ATXN10: variants seen among roughly 807,000 people sequenced by gnomAD.
ATXN10 encodes the protein ataxin-10.
A neutral mutation model predicts 52.9 loss-of-function variants in ATXN10; 28 were observed. The ratio of observed to expected loss-of-function variants is 0.53; its 90% CI spans 0.39 to 0.73. ATXN10 has a LOEUF of 0.73. Ranked by LOEUF, ATXN10 falls within the 30% of genes least tolerant of loss-of-function variation. The probability of loss-of-function intolerance (pLI) is 0.00; values close to 1 mark genes in which losing one functional copy is unlikely to be tolerated. For synonymous variants in ATXN10, 226 were observed against 221.5 expected (o/e 1.02, Z -0.18); for missense variants, 565 against 577.0 (o/e 0.98, Z 0.21).
chr22:45,808,749 A>G (rs1425395412), intron 10 of ATXN10, among the ~76,000 whole-genome samples: 1 of 152,232 alleles, frequency 6.6e-6, no homozygotes, highest in Non-Finnish European at 1.5e-5. Context: ...CTTAAAAGTC[A>G]CCGGGAGGAG....
chr22:45,842,970 A>G lies in ATXN10; in HGVS notation c.1238-21A>G, dbSNP rs1309539762. ...ATCAAACAGGAAAGTACGTTGTCACATTCCTTCACTCTGGCTCCAGTTCTG... is the reference window on the plus strand; with the variant it reads ...ATCAAACAGGAAAGTACGTTGTCACGTTCCTTCACTCTGGCTCCAGTTCTG... On this transcript the variant is annotated intron_variant, in intron 10 of 11. Transcript: ENST00000252934. The surrounding 1 kb of genome is among the most constrained non-coding windows in gnomAD (Gnocchi z 4.8). 2 of 1,611,856 alleles carry G rather than the reference A, an allele frequency of 1.2e-6. No homozygotes were observed. Among genetic ancestry groups the G allele is most frequent in the Non-Finnish European group, 1.7e-6 (2 of 1,178,020 alleles).
In ATXN10 at chr22:45,762,106, A is replaced by G. The variant is rs1414094180; in HGVS notation, c.1173+21568A>G. On this transcript the variant is annotated intron_variant, in intron 9 of 11. Coordinates refer to ENST00000252934, the MANE Select transcript of ATXN10 (RefSeq NM_013236.4). The surrounding 1 kb of genome is among the most constrained non-coding windows in gnomAD (Gnocchi z 4.3). ...AACCAACAAAAGTTACTCATAAAAG[A>G]TAGTATTTTACTTGTAACAATTGCA... Among the ~76,000 whole-genome samples the G allele has an allele frequency of 6.6e-6, 1 of 152,218 alleles. No homozygotes were observed. The highest frequency in any genetic ancestry group is 1.5e-5 in the Non-Finnish European group (1 of 68,038).
In ATXN10 at chr22:45,738,809, GT is replaced by G; in HGVS notation, c.977del (p.Phe326SerfsTer8). ...TACTGAGCTGCTCGGCTATCTGCAG[GT>G]TTTCCCTGGCTTGCTGGAAAGAGTG... The part of the protein sequence containing the change: ...VNTELLGYLQ[V>X]FPGLLERVID... On this transcript the variant is annotated frameshift_variant, in exon 8 of 12. Coordinates refer to ENST00000252934, the MANE Select transcript of ATXN10 (RefSeq NM_013236.4). LOFTEE classifies it high-confidence loss of function. The G allele has an allele frequency of 6.2e-7, 1 of 1,614,104 alleles. No homozygotes were observed. The highest frequency in any genetic ancestry group is 1.3e-5 in the African/African-American group (1 of 75,042).
chr22:45,755,583 A>C (rs1926145003), intron 9 of ATXN10, among the ~76,000 whole-genome samples: 1 of 152,166 alleles, frequency 6.6e-6, no homozygotes, highest in Non-Finnish European at 1.5e-5. Context: ...TACTAATAGT[A>C]ATAATTTGTG....
rs183479668 is a variant in ATXN10, at chr22:45,801,083, G to A, written c.1174-5876G>A. On this transcript the variant is annotated intron_variant, in intron 9 of 11. Coordinates refer to ENST00000252934, the MANE Select transcript of ATXN10 (RefSeq NM_013236.4). Reference sequence around the variant, plus strand: ...GGGGATAGTGTGTGGAGGGCAGTGCGTTAGGTTTCAGGCGTTTCTTCTGAG... The same window carrying A: ...GGGGATAGTGTGTGGAGGGCAGTGCATTAGGTTTCAGGCGTTTCTTCTGAG... Among the ~76,000 whole-genome samples, 27 of 152,352 alleles carry A rather than the reference G, an allele frequency of 1.8e-4. No individual in the cohort carries two copies. The East Asian group carries it at 4.6e-3, about 26-fold the overall frequency.
In ATXN10 at chr22:45,678,737, T is replaced by A. The variant is rs1256708465; in HGVS notation, c.116+6558T>A. On this transcript the variant is annotated intron_variant, in intron 1 of 11. Transcript: ENST00000252934. The surrounding 1 kb of genome is among the most constrained non-coding windows in gnomAD (Gnocchi z 4.1). ...GTAATTACTCAAATTGCTAAAATGC[T>A]ATTGATTAGTTTACCATGTAATTCA... The A allele has an allele frequency of 6.6e-6, 1 of 152,188 alleles. No individual in the cohort carries two copies. Among genetic ancestry groups the A allele is most frequent in the East Asian group, 1.9e-4 (1 of 5,194 alleles). The allele number at this position is 152,188 out of a possible 1,614,324, so 9.4% of individuals were successfully genotyped here.
rs2146916093 is a variant in ATXN10 at position 45,837,140 on chromosome 22, G to T, written c.1238-5851G>T. Among the ~76,000 whole-genome samples the T allele has an allele frequency of 6.6e-6, 1 of 152,244 alleles. No homozygotes were observed. The highest frequency in any genetic ancestry group is 2.1e-4 in the South Asian group (1 of 4,820). ...ATATAATATATGTATCTGTTATACA[G>T]ATATTATAAATAAAGTCCATATATA... On this transcript the variant is annotated intron_variant, in intron 10 of 11. Transcript: ENST00000252934. This position sits in a 1 kb window ranked among gnomAD's most constrained non-coding sequence, Gnocchi z 5.8.
rs982872547 is a variant in ATXN10 at position 45,819,720 on chromosome 22, A to G, written c.1237+12698A>G. The stretch of plus-strand genomic sequence containing the variant: ...TTGTATACATTATTATTATCATTTA[A>G]TGTATGTATTTTCTTATGAAGTTAA... On this transcript the variant is annotated intron_variant, in intron 10 of 11. Transcript: ENST00000252934. This position sits in a 1 kb window ranked among gnomAD's most constrained non-coding sequence, Gnocchi z 4.5. Among the ~76,000 whole-genome samples the G allele has an allele frequency of 2.0e-5, 3 of 152,172 alleles. No individual in the cohort carries two copies. The highest frequency in any genetic ancestry group is 7.2e-5 in the African/African-American group (3 of 41,426).
In ATXN10 at chr22:45,787,445, G is replaced by C. The variant is rs528249765; in HGVS notation, c.1174-19514G>C. Among the ~76,000 whole-genome samples the C allele has an allele frequency of 1.8e-4, 27 of 152,300 alleles. No homozygotes were observed. The Middle Eastern group carries it at 0.01, about 58-fold the overall frequency. On this transcript the variant is annotated intron_variant, in intron 9 of 11. Transcript: ENST00000252934. The surrounding 1 kb of genome is among the most constrained non-coding windows in gnomAD (Gnocchi z 4.2). ...GCACTAGGGAGACAGGAGGGCCCAGGAAATGCCGAGTGCCCTGGCAGTTTC... is the reference window on the plus strand; with the variant it reads ...GCACTAGGGAGACAGGAGGGCCCAGCAAATGCCGAGTGCCCTGGCAGTTTC...
At chr22:45,811,500 T>C (rs1022623141) in intron 10 of ATXN10, among the ~76,000 whole-genome samples, 1 of 152,238 alleles carries the variant, frequency 6.6e-6, no homozygotes, top group Non-Finnish European at 1.5e-5. Context: ...CTTCTATGTT[T>C]AGATACACAG....
chr22:45,775,336 C>G lies in ATXN10; in HGVS notation c.1174-31623C>G, dbSNP rs568117978. The stretch of plus-strand genomic sequence containing the variant: ...TAGGGCCTGTTAGCTGAGGTGCACC[C>G]TCTCTTAAGTGGCTTCATGGAGATT... On this transcript the variant is annotated intron_variant, in intron 9 of 11. Transcript: ENST00000252934. This position sits in a 1 kb window ranked among gnomAD's most constrained non-coding sequence, Gnocchi z 4.7. Among the ~76,000 whole-genome samples, 2 of 152,210 alleles carry G rather than the reference C, an allele frequency of 1.3e-5. No homozygotes were observed. Among genetic ancestry groups the G allele is most frequent in the South Asian group, 4.1e-4 (2 of 4,830 alleles).
At chr22:45,743,449 A>G (rs904699248) in intron 9 of ATXN10, among the ~76,000 whole-genome samples, 1 of 152,196 alleles carries the variant, frequency 6.6e-6, no homozygotes, top group South Asian at 2.1e-4. Flanking sequence ...AAGGGATGGA[A>G]TTCACTCGCA....
In ATXN10 at chr22:45,781,157, C is replaced by T. The variant is rs1372944769; in HGVS notation, c.1174-25802C>T. On this transcript the variant is annotated intron_variant, in intron 9 of 11. Coordinates refer to ENST00000252934, the MANE Select transcript of ATXN10 (RefSeq NM_013236.4). This position sits in a 1 kb window ranked among gnomAD's most constrained non-coding sequence, Gnocchi z 4.2. ...CCACGGAAAAGAATGTGGCCCCAGC[C>T]CACCAACAATGGCTGAATGGGGAGC... 1.3e-5 allele frequency among the ~76,000 whole-genome samples: 2 copies of T among 152,182 alleles called. No homozygotes were observed. The highest frequency in any genetic ancestry group is 2.9e-5 in the Non-Finnish European group (2 of 68,030).
chr22:45,760,329 C>T (rs117788150), intron 9 of ATXN10, among the ~76,000 whole-genome samples: 210 of 152,216 alleles, frequency 1.4e-3, no homozygotes, highest in South Asian at 8.1e-3. Flanking sequence ...GGTTTATTCA[C>T]GTACCAGTGA....
rs981319039 is a variant in ATXN10 at position 45,681,069 on chromosome 22, G to C, written c.117-8643G>C. ...TCCAACTTTTAATCTCATGACATCA[G>C]AGTATCCCTTGTTTAATCACTTTTG... is the stretch of plus-strand genomic sequence containing the variant. On this transcript the variant is annotated intron_variant, in intron 1 of 11. Coordinates refer to ENST00000252934, the MANE Select transcript of ATXN10 (RefSeq NM_013236.4). This position sits in a 1 kb window ranked among gnomAD's most constrained non-coding sequence, Gnocchi z 4.2. 6.6e-6 allele frequency among the ~76,000 whole-genome samples: 1 copy of C among 152,128 alleles called. No homozygotes were observed. The highest frequency in any genetic ancestry group is 1.5e-5 in the Non-Finnish European group (1 of 68,010).
At chr22:45,832,062 C>T (rs1929010578) in intron 10 of ATXN10, among the ~76,000 whole-genome samples, 1 of 152,202 alleles carries the variant, frequency 6.6e-6, no homozygotes, top group Non-Finnish European at 1.5e-5. Context: ...AGAATTGAAC[C>T]CAAGTCTGTA....
At chr22:45,814,155 A>G (rs538428689) in intron 10 of ATXN10, among the ~76,000 whole-genome samples, 3 of 152,382 alleles carry the variant, frequency 2.0e-5, no homozygotes, top group Non-Finnish European at 4.4e-5. Flanking sequence ...GGATTGGGCA[A>G]GCGTTTCTTA....
intron 1 of ATXN10, chr22:45,672,970 G>C (rs1020898918): frequency 6.6e-6 from 1 of 152,256 alleles, no homozygotes; most frequent in Middle Eastern, 3.2e-3. Flanking sequence ...AATGTGCGAA[G>C]CCCTCAGTCA....
chr22:45,738,743 A>G lies in ATXN10; in HGVS notation c.907A>G (p.Thr303Ala), dbSNP rs374168561. ...EPPDDEEALATIRLLDVLCEM... is the reference protein window; with the variant it reads ...EPPDDEEALAAIRLLDVLCEM... ...CTTTTCTTTCTAGGAGGCACTGGCT[A>G]CAATTAGGCTTCTCGACGTCCTGTG... Residue 303 changes from threonine to alanine, a missense_variant, in exon 8 of 12, where the codon ACA becomes GCA. Transcript: ENST00000252934. 5.6e-6 allele frequency: 9 copies of G among 1,613,850 alleles called. 1 individual carries two copies. Among genetic ancestry groups the G allele is most frequent in the South Asian group, 2.2e-5 (2 of 91,078 alleles).
Sources: gnomAD v4.1 joint callset for allele counts (sites outside exome capture counted in the v4.1 genomes callset) on GRCh38, gnomAD v4.1.1 for gene constraint, Gnocchi (gnomAD v3.1) non-coding constraint, MANE v1.5 for transcripts, NCBI Gene and HGNC (gene_info 2026-07-23, HGNC 2026-07-21) for gene names.